The following PXDNL variants were observed in gnomAD, a reference collection of about 807,000 sequenced individuals.
PXDNL encodes probable oxidoreductase PXDNL.
Under a neutral mutation model 150.8 loss-of-function variants are expected in PXDNL, and 145 were observed. The ratio of observed to expected loss-of-function variants is 0.96; its 90% CI spans 0.84 to 1.10. The LOEUF is 1.10. Among genes scored for constraint, PXDNL ranks in the 50% least tolerant of loss-of-function variants. The pLI is 0.00. For missense variants in PXDNL, 2,087 were observed against 1,873.9 expected, an observed-to-expected ratio of 1.11 and a Z score of -2.10; for synonymous variants, 757 against 725.7, an observed-to-expected ratio of 1.04 and a Z score of -0.69.
chr8:51,393,021 A>G (rs1005018120), intron 17 of PXDNL, among the ~76,000 whole-genome samples: 30 of 152,228 alleles, frequency 2.0e-4, no homozygotes, highest in Admixed American at 2.0e-4. Flanking sequence ...GTCACTGACC[A>G]TGAATTTTAC....
intron 6 of PXDNL, among the ~76,000 whole-genome samples, chr8:51,479,340 C>A (rs7830457): frequency 0.042 from 6,384 of 152,234 alleles, 430 homozygotes; most frequent in African/African-American, 0.15. Context: ...CTAACCATAA[C>A]TGATGTAACA....
Position 51,447,122 on chromosome 8 carries a change from G to A in PXDNL, c.1407C>T (p.Ser469=). 2 of 1,613,920 alleles carry A rather than the reference G, an allele frequency of 1.2e-6. No individual in the cohort carries two copies. Among genetic ancestry groups the A allele is most frequent in the Non-Finnish European group, 1.7e-6 (2 of 1,179,862 alleles). Residue 469 remains serine, a synonymous_variant, in exon 12 of 23, where the codon TCC becomes TCT. Coordinates refer to ENST00000356297, the MANE Select transcript of PXDNL (RefSeq NM_144651.5). The stretch of plus-strand genomic sequence containing the variant: ...CACGGTCAATTCTCAAAGTGCCAGA[G>A]GAGAGAACTGTATGCTGGCCTTCCA... The part of the protein sequence containing the change: ...LPVEGQHTVL[S]SGTLRIDRAA...
rs571990419 is a variant in PXDNL at position 51,640,336 on chromosome 8, G to A, written c.236+14353C>T. 8.0e-4 allele frequency among the ~76,000 whole-genome samples: 122 copies of A among 152,210 alleles called. 1 individual carries two copies. In the Middle Eastern group the frequency reaches 0.01, roughly 13 times the overall value. Reference sequence around the variant, plus strand: ...TCTCACCACTCCTATTCAACATAGTGTTGGAAGTTCTGGCCAGGGCAATTA... The same window carrying A: ...TCTCACCACTCCTATTCAACATAGTATTGGAAGTTCTGGCCAGGGCAATTA... On this transcript the variant is annotated intron_variant, in intron 2 of 22. Transcript: ENST00000356297.
chr8:51,561,277 T>C (rs1392919782), intron 3 of PXDNL, among the ~76,000 whole-genome samples: 2 of 151,924 alleles, frequency 1.3e-5, no homozygotes, highest in East Asian at 1.9e-4. Flanking sequence ...TCTGAAAGAA[T>C]TGAAAGTAGA....
rs556217047 is a variant in PXDNL at position 51,496,496 on chromosome 8, G to T, written c.452+3203C>A. On this transcript the variant is annotated intron_variant, in intron 5 of 22. Transcript: ENST00000356297. The stretch of plus-strand genomic sequence containing the variant: ...GAAAAGAGGAAGTCAAATTGTCCCT[G>T]TTTGCAGATGACATGATTGTATATT... Among the ~76,000 whole-genome samples, 594 of 152,268 alleles carry T rather than the reference G, an allele frequency of 3.9e-3. 2 individuals carry two copies. The highest frequency in any genetic ancestry group is 0.014 in the African/African-American group (563 of 41,520).
chr8:51,547,962 G>T (rs1812399100), intron 4 of PXDNL, among the ~76,000 whole-genome samples: 1 of 152,022 alleles, frequency 6.6e-6, no homozygotes, highest in African/African-American at 2.4e-5. Context: ...GAAAAAGTCT[G>T]CAGAGAAATA....
chr8:51,632,126 C>G (rs1814501432), intron 2 of PXDNL, among the ~76,000 whole-genome samples: 3 of 151,484 alleles, frequency 2.0e-5, no homozygotes, highest in Admixed American at 2.0e-4. Flanking sequence ...ACAACAGGGC[C>G]CCAAATTATA....
chr8:51,728,876 T>C (rs1816867658), intron 1 of PXDNL, among the ~76,000 whole-genome samples: 1 of 152,208 alleles, frequency 6.6e-6, no homozygotes, highest in South Asian at 2.1e-4. Flanking sequence ...TCACATTTAC[T>C]CGCCACTCAC....
chr8:51,496,443 G>T (rs144602294), intron 5 of PXDNL, among the ~76,000 whole-genome samples: 1 of 152,130 alleles, frequency 6.6e-6, no homozygotes, highest in African/African-American at 2.4e-5. Context: ...AATTAGGCAG[G>T]AGAAGGAAAT....
At chr8:51,541,313 G>A (rs906123096) in intron 4 of PXDNL, among the ~76,000 whole-genome samples, 6 of 151,540 alleles carry the variant, frequency 4.0e-5, no homozygotes, top group Admixed American at 3.3e-4. Flanking sequence ...TCTTGGGATC[G>A]GTTTGATCCT....
At chr8:51,443,548 C>A (rs1421918045) in intron 12 of PXDNL, among the ~76,000 whole-genome samples, 1 of 152,136 alleles carries the variant, frequency 6.6e-6, no homozygotes, top group Non-Finnish European at 1.5e-5. Flanking sequence ...ATGCTTACTG[C>A]ATTGGGAACT....
intron 4 of PXDNL, among the ~76,000 whole-genome samples, chr8:51,542,108 C>T (rs150869016): frequency 0.019 from 2,840 of 152,066 alleles, 37 homozygotes; most frequent in African/African-American, 0.035. Context: ...CAATAGTCTA[C>T]GTTTTATTCT....
At chr8:51,487,890 A>C (rs373806960) in intron 5 of PXDNL, among the ~76,000 whole-genome samples, 6 of 152,196 alleles carry the variant, frequency 3.9e-5, no homozygotes, top group African/African-American at 1.4e-4. Context: ...TTGTCAAATC[A>C]TAACAATAAA....
At chr8:51,568,175 A>G (rs1213300468) in intron 3 of PXDNL, among the ~76,000 whole-genome samples, 1 of 149,212 alleles carries the variant, frequency 6.7e-6, no homozygotes, top group African/African-American at 2.6e-5. Flanking sequence ...ATAAAAGATT[A>G]TATTTTACCT....
At chr8:51,351,809 C>T (rs1806362140) in intron 19 of PXDNL, among the ~76,000 whole-genome samples, 1 of 152,092 alleles carries the variant, frequency 6.6e-6, no homozygotes, top group Admixed American at 6.5e-5. Flanking sequence ...TGGAGGCCAC[C>T]CACAGTTCCC....
At chr8:51,482,328 A>G (rs1701776640) in intron 6 of PXDNL, among the ~76,000 whole-genome samples, 1 of 152,132 alleles carries the variant, frequency 6.6e-6, no homozygotes, top group African/African-American at 2.4e-5. Flanking sequence ...GAATGACTGT[A>G]TTTACCCAAC....
chr8:51,642,639 G>A (rs1255100622), intron 2 of PXDNL, among the ~76,000 whole-genome samples: 1 of 152,184 alleles, frequency 6.6e-6, no homozygotes, highest in African/African-American at 2.4e-5. Flanking sequence ...CACAAGACAG[G>A]GATGCCCTCA....
At chr8:51,561,989 A>G (rs180743938) in intron 3 of PXDNL, among the ~76,000 whole-genome samples, 19 of 151,950 alleles carry the variant, frequency 1.3e-4, no homozygotes, top group African/African-American at 4.6e-4. Context: ...TGACAGTGAT[A>G]ACAGGCCTGG....
intron 4 of PXDNL, among the ~76,000 whole-genome samples, chr8:51,537,722 C>T (rs766515936): frequency 2.6e-5 from 4 of 152,296 alleles, no homozygotes; most frequent in Non-Finnish European, 4.4e-5. Context: ...GAAGAACAAA[C>T]TTGGGCATTT....
Sources: allele counts gnomAD v4.1 joint callset (sites outside exome capture counted in the v4.1 genomes callset), GRCh38; gene constraint gnomAD v4.1.1; transcripts MANE v1.5; gene names NCBI Gene and HGNC (gene_info 2026-07-23, HGNC 2026-07-21).